The following ANKRD27 variants were observed in gnomAD, a reference collection of about 807,000 sequenced individuals.
ANKRD27 encodes the protein ankyrin repeat domain-containing protein 27.
A neutral mutation model predicts 129.7 loss-of-function variants in ANKRD27; 112 were observed. The observed-to-expected ratio is 0.86, with a 90% CI of 0.74 to 1.01. The LOEUF is 1.01. Among genes scored for constraint, ANKRD27 ranks in the 50% least tolerant of loss-of-function variants. The pLI, the probability that ANKRD27 is intolerant of heterozygous loss-of-function variation, is 0.00. For missense variants in ANKRD27, 1,258 were observed against 1,300.5 expected, an observed-to-expected ratio of 0.97 and a Z score of 0.50; for synonymous variants, 516 against 511.2, an observed-to-expected ratio of 1.01 and a Z score of -0.13.
At chr19:32,674,636 G>GCCCTCATCACCTC (rs1967945556) in intron 1 of ANKRD27, among the ~76,000 whole-genome samples, 1 of 151,838 alleles carries the variant, frequency 6.6e-6, no homozygotes, top group Non-Finnish European at 1.5e-5. Flanking sequence ...TCACCCCCCG[G>GCCCTCATCACCTC]AAACCACAAC....
At chr19:32,622,667 C>G (rs374985702) in intron 17 of ANKRD27, 48 bp from the exon 18 acceptor site, 405 of 1,591,842 alleles carry the variant, frequency 2.5e-4, no homozygotes, top group Admixed American at 4.2e-4. Context: ...TACCAAGCCT[C>G]GACAAGGTCC....
intron 23 of ANKRD27, among the ~76,000 whole-genome samples, chr19:32,606,293 C>T (rs1158178231): frequency 6.6e-6 from 1 of 151,938 alleles, no homozygotes; most frequent in Non-Finnish European, 1.5e-5. Flanking sequence ...GCTGGGACTA[C>T]AGGCGCCTGC....
At chr19:32,635,613 T>C (rs1967074966) in intron 12 of ANKRD27, among the ~76,000 whole-genome samples, 1 of 151,922 alleles carries the variant, frequency 6.6e-6, no homozygotes, top group Non-Finnish European at 1.5e-5. Flanking sequence ...CCCACATACA[T>C]ACTCTAGAAT....
At chr19:32,665,702 G>T (rs1199772228) in intron 1 of ANKRD27, among the ~76,000 whole-genome samples, 1 of 151,584 alleles carries the variant, frequency 6.6e-6, no homozygotes, top group Non-Finnish European at 1.5e-5. Flanking sequence ...CTCGTGATCC[G>T]CCCGCCTTGG....
At position 32,639,407 on chromosome 19, in the gene ANKRD27, G is replaced by A. The variant is rs200620408; in HGVS notation, c.1065C>T (p.Phe355=). 1.4e-5 allele frequency: 22 copies of A among 1,614,208 alleles called. No homozygotes were observed. Among genetic ancestry groups the A allele is most frequent in the Middle Eastern group, 3.3e-4 (2 of 6,062 alleles). Reference sequence around the variant, plus strand: ...GCCGAATATATTCAATGGCAGCTTCGAATGAGGTCAGGCAGTATCCCAGTT... The same window carrying A: ...GCCGAATATATTCAATGGCAGCTTCAAATGAGGTCAGGCAGTATCCCAGTT... The part of the protein sequence containing the change: ...KDELGYCLTS[F]EAAIEYIRQG... Residue 355 remains phenylalanine, a synonymous_variant, in exon 12 of 29, where the codon TTC becomes TTT. Transcript: ENST00000306065.
At chr19:32,628,198 G>A in intron 14 of ANKRD27, 33 bp from the exon 15 acceptor site, 1 of 1,586,726 alleles carries the variant, frequency 6.3e-7, no homozygotes, top group East Asian at 2.2e-5. Context: ...AAACTACACA[G>A]GGGAATGGCA....
In ANKRD27 at chr19:32,622,507, A is replaced by G. The variant is rs1318430748; in HGVS notation, c.1742T>C (p.Ile581Thr). 1.2e-6 allele frequency: 2 copies of G among 1,613,980 alleles called. No homozygotes were observed. Among genetic ancestry groups the G allele is most frequent in the Middle Eastern group, 1.7e-4 (1 of 6,058 alleles). The stretch of plus-strand genomic sequence containing the variant: ...CGCTCCGTTCTGCAGCAATGTCTCT[A>G]TGACGCCTTGGTAGCCCCAGCGGGC... ...IAARWGYQGV[I>T]ETLLQNGAST... is the part of the protein sequence containing the mutation. Residue 581 changes from isoleucine to threonine, a missense_variant, in exon 18 of 29, where the codon ATA becomes ACA. Ile to Thr is a moderately conservative substitution (Grantham distance 89). Transcript: ENST00000306065.
intron 26 of ANKRD27, among the ~76,000 whole-genome samples, chr19:32,600,811 A>C (rs896674772): frequency 2.6e-5 from 4 of 152,156 alleles, no homozygotes; most frequent in Non-Finnish European, 5.9e-5. Context: ...AGATATGTGA[A>C]TGGGTTTATC....
In ANKRD27 at chr19:32,607,738, G is replaced by A. The variant is rs558381081; in HGVS notation, c.2270C>T (p.Ala757Val). Reference sequence around the variant, plus strand: ...CTTCAGCAGGAGGGGGATGAGGTCCGCCCGGCCGTGCAGGGCGGCGACATG... The same window carrying A: ...CTTCAGCAGGAGGGGGATGAGGTCCACCCGGCCGTGCAGGGCGGCGACATG... Reference protein sequence around the residue: ...PLHVAALHGRADLIPLLLKHG... With the variant: ...PLHVAALHGRVDLIPLLLKHG... Residue 757 changes from alanine (A) to valine (V), a missense_variant, in exon 23 of 29, where the codon GCG becomes GTG. Physicochemically the swap from Ala to Val is moderately conservative, Grantham distance 64. Transcript: ENST00000306065. The A allele has an allele frequency of 1.6e-5, 26 of 1,612,818 alleles. No homozygotes were observed. The Admixed American group carries it at 2.7e-4, about 17-fold the overall frequency.
intron 22 of ANKRD27, among the ~76,000 whole-genome samples, chr19:32,608,078 A>G (rs1971776261): frequency 6.6e-6 from 1 of 150,730 alleles, no homozygotes; most frequent in African/African-American, 2.4e-5. Flanking sequence ...ATCATGGCTC[A>G]CTACAGCCTC....
intron 3 of ANKRD27, among the ~76,000 whole-genome samples, chr19:32,647,735 G>C (rs1303388523): frequency 1.3e-5 from 2 of 152,202 alleles, no homozygotes; most frequent in Non-Finnish European, 2.9e-5. Context: ...TGGACACCTA[G>C]ATCTACAAAA....
At chr19:32,644,743 C>G (rs1321039665) in intron 4 of ANKRD27, among the ~76,000 whole-genome samples, 1 of 152,204 alleles carries the variant, frequency 6.6e-6, no homozygotes, top group Non-Finnish European at 1.5e-5. Context: ...GTGCATCCAG[C>G]ACATTATTAT....
intron 5 of ANKRD27, 21 bp downstream of exon 5, chr19:32,644,304 G>T: frequency 6.2e-7 from 1 of 1,604,454 alleles, no homozygotes; most frequent in Non-Finnish European, 8.5e-7. Flanking sequence ...ACGCCAGGCA[G>T]AGGACAGCAC....
rs963911259 is a variant in ANKRD27, at chr19:32,641,931, C to A, written c.904+93G>T. The A allele has an allele frequency of 3.5e-6, 5 of 1,435,560 alleles. No homozygotes were observed. The East Asian group carries it at 9.6e-5, about 28-fold the overall frequency. 88.9% of individuals were successfully genotyped at this position (1,435,560 alleles called of 1,614,324 possible). A position where few individuals can be genotyped will look rare whatever the true frequency, so the allele number is the denominator to read the frequency against. ...TACAGAGGTGAGCCACTGCACCCAGCCCCATAAAAATCCCTTAAGACAGCA... is the reference window on the plus strand; with the variant it reads ...TACAGAGGTGAGCCACTGCACCCAGACCCATAAAAATCCCTTAAGACAGCA... On this transcript the variant is annotated intron_variant, in intron 10 of 28. Transcript: ENST00000306065.
chr19:32,672,404 C>A (rs903204932), intron 1 of ANKRD27, among the ~76,000 whole-genome samples: 3 of 152,176 alleles, frequency 2.0e-5, no homozygotes, highest in Admixed American at 6.5e-5. Flanking sequence ...CCCAGCCCTG[C>A]GCCTGGTTCC....
chr19:32,622,512 G>A lies in ANKRD27; in HGVS notation c.1737C>T (p.Gly579=), dbSNP rs376472337. The A allele has an allele frequency of 3.7e-6, 6 of 1,613,916 alleles. No homozygotes were observed. The highest frequency in any genetic ancestry group is 1.3e-5 in the African/African-American group (1 of 74,896). The change falls in exon 18 of 29, where the codon GGC becomes GGT. Residue 579 remains glycine (G), a synonymous_variant. Coordinates refer to ENST00000306065, the MANE Select transcript of ANKRD27 (RefSeq NM_032139.3). ...CGTTCTGCAGCAATGTCTCTATGAC[G>A]CCTTGGTAGCCCCAGCGGGCAGCAA... ...LHIAARWGYQ[G]VIETLLQNGA... is the part of the protein sequence containing the mutation.
chr19:32,623,227 A>T (rs1048780494), intron 17 of ANKRD27, among the ~76,000 whole-genome samples: 1 of 152,196 alleles, frequency 6.6e-6, no homozygotes, highest in African/African-American at 2.4e-5. Context: ...GCCTGCTTGC[A>T]AGACTGCCTG....
chr19:32,600,128 ATCTT>A (rs1257025806), intron 26 of ANKRD27, 78 bp from the exon 27 acceptor site: 17 of 1,086,376 alleles, frequency 1.6e-5, no homozygotes, highest in East Asian at 4.9e-5. Flanking sequence ...CACAGACACA[ATCTT>A]TCTATTCTCA....
rs371918819 is a variant in ANKRD27, at chr19:32,642,148, G to C, written c.783-3C>G. The C allele has an allele frequency of 6.3e-7, 1 of 1,580,324 alleles. No homozygotes were observed. Among genetic ancestry groups the C allele is most frequent in the African/African-American group, 1.4e-5 (1 of 73,840 alleles). On this transcript the variant is annotated splice_region_variant and splice_polypyrimidine_tract_variant and intron_variant, in intron 9 of 28. Transcript: ENST00000306065. ...TTTTGGCACGAGGTATGTTAAAGCT[G>C]TAAAATAATTTGGAAAGTGACAACT...
Sources: allele counts gnomAD v4.1 joint callset (sites outside exome capture counted in the v4.1 genomes callset), GRCh38; gene constraint gnomAD v4.1.1; transcripts MANE v1.5; gene names NCBI Gene and HGNC (gene_info 2026-07-23, HGNC 2026-07-21).